SDK1: variants seen among roughly 807,000 people sequenced by gnomAD.
SDK1 encodes the protein protein sidekick-1.
SDK1 carries 157 observed loss-of-function variants against 245.5 expected under a neutral mutation model. That is an observed-to-expected ratio of 0.64 (90% confidence interval 0.56 to 0.73). The LOEUF (loss-of-function observed/expected upper bound fraction) is 0.73. Ranked by LOEUF, SDK1 falls within the 30% of genes least tolerant of loss-of-function variation. SDK1 has a pLI of 0.00. For synonymous variants in SDK1, 1,647 were observed against 1,278.5 expected (o/e 1.29, Z -6.15); for missense variants, 3,583 against 3,002.3 (o/e 1.19, Z -4.52).
chr7:3,474,337 G>C (rs572817665), intron 1 of SDK1, among the ~76,000 whole-genome samples: 10 of 151,380 alleles, frequency 6.6e-5, no homozygotes, highest in Non-Finnish European at 1.5e-4. Flanking sequence ...CTCGTTGTCC[G>C]CCTGCCTCAG....
At chr7:4,143,095 G>A (rs765879829) in intron 28 of SDK1, among the ~76,000 whole-genome samples, 5 of 151,406 alleles carry the variant, frequency 3.3e-5, no homozygotes, top group Admixed American at 6.6e-5. Flanking sequence ...TTGCAAAGTT[G>A]GGGGTGTCAC....
chr7:3,958,941 T>C lies in SDK1; in HGVS notation c.1161T>C (p.Tyr387=), dbSNP rs773866457. ...TAFLFIIEPP[Y]FTAEPESRIS... ...TTTTCTTGTTTGAAGAGCCACCATA[T>C]TTTACTGCTGAGCCCGAGAGTCGGA... The change falls in exon 8 of 45, where the codon TAT becomes TAC. Residue 387 remains tyrosine (Y), a synonymous_variant. Coordinates refer to ENST00000404826, the MANE Select transcript of SDK1 (RefSeq NM_152744.4). 1 of 1,613,844 alleles carries C rather than the reference T, an allele frequency of 6.2e-7. No homozygotes were observed. Among genetic ancestry groups the C allele is most frequent in the South Asian group, 1.1e-5 (1 of 91,072 alleles).
chr7:3,338,326 C>T (rs372552669), intron 1 of SDK1: 50 of 499,310 alleles, frequency 1.0e-4, no homozygotes, highest in African/African-American at 9.0e-4. Flanking sequence ...TACGATGTTA[C>T]TCAGCATGCT....
intron 4 of SDK1, among the ~76,000 whole-genome samples, chr7:3,677,963 T>C (rs962455314): frequency 2.6e-5 from 4 of 152,158 alleles, no homozygotes; most frequent in African/African-American, 9.7e-5. Context: ...AAACAAAGTA[T>C]TTCCCCAGAG....
At position 3,458,073 on chromosome 7, in the gene SDK1, T is replaced by G. The variant is rs147467706; in HGVS notation, c.298+156189T>G. On this transcript the variant is annotated intron_variant, in intron 1 of 44. Coordinates refer to ENST00000404826, the MANE Select transcript of SDK1 (RefSeq NM_152744.4). ...ATGGAAGTGACACTTGGATTCTTTT[T>G]TGTGTGTGTGTGTTTTTCCCTGTTG... Among the ~76,000 whole-genome samples the G allele has an allele frequency of 6.8e-4, 104 of 152,184 alleles. 1 individual carries two copies. The highest frequency in any genetic ancestry group is 2.3e-3 in the South Asian group (11 of 4,814).
chr7:3,680,423 TGA>T, intron 4 of SDK1, among the ~76,000 whole-genome samples: 1 of 152,238 alleles, frequency 6.6e-6, no homozygotes. Flanking sequence ...AATGCGCACG[TGA>T]TAAAACTGCA....
At chr7:3,730,434 A>C (rs1056638447) in intron 4 of SDK1, among the ~76,000 whole-genome samples, 39 of 152,282 alleles carry the variant, frequency 2.6e-4, no homozygotes, top group African/African-American at 9.1e-4. Flanking sequence ...ATCTGTGTCT[A>C]CTTTTTCAAA....
chr7:3,818,344 A>G (rs114541963), intron 4 of SDK1, among the ~76,000 whole-genome samples: 2,173 of 152,338 alleles, frequency 0.014, 66 homozygotes, highest in African/African-American at 0.05. Flanking sequence ...AAAGTATTCA[A>G]CTTTGCTACC....
chr7:3,609,970 G>T (rs1781540518), intron 1 of SDK1, among the ~76,000 whole-genome samples: 1 of 152,158 alleles, frequency 6.6e-6, no homozygotes, highest in Non-Finnish European at 1.5e-5. Flanking sequence ...CAAAGTGCTG[G>T]GATCATAGGC....
At chr7:4,260,163 T>C (rs1234717706) in intron 44 of SDK1, among the ~76,000 whole-genome samples, 2 of 146,390 alleles carry the variant, frequency 1.4e-5, no homozygotes, top group African/African-American at 2.6e-5. Context: ...TCTGTGTGTG[T>C]GGGAAGATGT....
rs777042716 is a variant in SDK1 at position 4,149,362 on chromosome 7, C to A, written c.4524C>A (p.Pro1508=). Reference sequence around the variant, plus strand: ...TCCCGGGCAGCGACGGGGCCTCCCCCATCCGGTACTTCACCATGCAGGTGC... The same window carrying A: ...TCCCGGGCAGCGACGGGGCCTCCCCAATCCGGTACTTCACCATGCAGGTGC... ...QWVPGSDGAS[P]IRYFTMQVRE... The change falls in exon 30 of 45, where the codon CCC becomes CCA. Residue 1508 remains proline, a synonymous_variant. Coordinates refer to ENST00000404826, the MANE Select transcript of SDK1 (RefSeq NM_152744.4). 6.3e-6 allele frequency: 10 copies of A among 1,592,968 alleles called. No individual in the cohort carries two copies. Among genetic ancestry groups the A allele is most frequent in the South Asian group, 4.6e-5 (4 of 87,796 alleles).
chr7:3,429,483 G>C (rs1779770179), intron 1 of SDK1, among the ~76,000 whole-genome samples: 3 of 152,034 alleles, frequency 2.0e-5, no homozygotes, highest in Non-Finnish European at 2.9e-5. Flanking sequence ...AAGGATATTT[G>C]GGGAGTGCAT....
At chr7:3,384,781 A>G (rs1349116282) in intron 1 of SDK1, among the ~76,000 whole-genome samples, 1 of 152,238 alleles carries the variant, frequency 6.6e-6, no homozygotes, top group African/African-American at 2.4e-5. Flanking sequence ...CAATATGTAC[A>G]TTTGAAGCGT....
At chr7:3,501,293 G>A (rs145598396) in intron 1 of SDK1, among the ~76,000 whole-genome samples, 2 of 151,828 alleles carry the variant, frequency 1.3e-5, no homozygotes, top group African/African-American at 4.8e-5. Flanking sequence ...TTTCTGCTTG[G>A]CTATTAACTG....
At chr7:3,381,442 G>A (rs922544696) in intron 1 of SDK1, among the ~76,000 whole-genome samples, 2 of 152,112 alleles carry the variant, frequency 1.3e-5, no homozygotes, top group Admixed American at 6.5e-5. Context: ...CAGTGACAGC[G>A]GGAGTGAGCC....
intron 1 of SDK1, among the ~76,000 whole-genome samples, chr7:3,522,652 T>G (rs1417478407): frequency 6.6e-6 from 1 of 152,106 alleles, no homozygotes; most frequent in Non-Finnish European, 1.5e-5. Context: ...TCTTACTTCC[T>G]ATAGTCTTCA....
At chr7:4,159,458 C>T (rs1400696858) in intron 31 of SDK1, among the ~76,000 whole-genome samples, 2 of 152,208 alleles carry the variant, frequency 1.3e-5, no homozygotes, top group East Asian at 1.9e-4. Flanking sequence ...CAAGAGCCTC[C>T]AACAGGCCCC....
chr7:3,946,830 G>A (rs1357295995), intron 5 of SDK1, among the ~76,000 whole-genome samples: 1 of 152,178 alleles, frequency 6.6e-6, no homozygotes, highest in Non-Finnish European at 1.5e-5. Context: ...TTTAAAGGGA[G>A]CTGGGTAGAT....
intron 14 of SDK1, among the ~76,000 whole-genome samples, chr7:4,006,762 A>C (rs955229559): frequency 5.3e-5 from 8 of 152,234 alleles, no homozygotes; most frequent in Non-Finnish European, 7.3e-5. Flanking sequence ...GCAGGCCCCG[A>C]GATGCAGAGG....
Sources: gnomAD v4.1 joint callset for allele counts (sites outside exome capture counted in the v4.1 genomes callset) on GRCh38, gnomAD v4.1.1 for gene constraint, MANE v1.5 for transcripts, NCBI Gene and HGNC (gene_info 2026-07-23, HGNC 2026-07-21) for gene names.